CNTNAP2: variants seen among roughly 807,000 people sequenced by gnomAD.
CNTNAP2 encodes contactin-associated protein-like 2.
A neutral mutation model predicts 155.2 loss-of-function variants in CNTNAP2; 98 were observed. The ratio of observed to expected loss-of-function variants is 0.63; its 90% CI spans 0.54 to 0.75. The LOEUF (loss-of-function observed/expected upper bound fraction) is 0.75. Ranked by LOEUF, CNTNAP2 falls within the 30% of genes least tolerant of loss-of-function variation. CNTNAP2 has a pLI of 0.00. For synonymous variants in CNTNAP2, 651 were observed against 631.2 expected (o/e 1.03, Z -0.47); for missense variants, 1,727 against 1,688.1 (o/e 1.02, Z -0.40).
intron 8 of CNTNAP2, among the ~76,000 whole-genome samples, chr7:147,270,724 G>A (rs1346182109): frequency 2.0e-5 from 3 of 152,220 alleles, no homozygotes. Context: ...TGGCTCAGAT[G>A]TGTGTATTAT....
chr7:147,348,938 G>C (rs958587030), intron 9 of CNTNAP2, among the ~76,000 whole-genome samples: 3 of 151,888 alleles, frequency 2.0e-5, no homozygotes, highest in African/African-American at 7.2e-5. Flanking sequence ...TAAAAATGTT[G>C]ATCTCATAGA....
At chr7:147,975,177 T>A (rs1801407602) in intron 14 of CNTNAP2, among the ~76,000 whole-genome samples, 1 of 151,928 alleles carries the variant, frequency 6.6e-6, no homozygotes, top group African/African-American at 2.4e-5. Context: ...AAATAAATAT[T>A]TAAAGTTGGG....
chr7:147,925,319 CA>C (rs1800377686), intron 14 of CNTNAP2, among the ~76,000 whole-genome samples: 2 of 143,728 alleles, frequency 1.4e-5, no homozygotes, highest in African/African-American at 2.5e-5. Context: ...CACACACACA[CA>C]CACACACACA....
At chr7:147,655,899 A>G (rs140857299) in intron 13 of CNTNAP2, among the ~76,000 whole-genome samples, 2,533 of 152,366 alleles carry the variant, frequency 0.017, 221 homozygotes, top group Admixed American at 0.15. Flanking sequence ...TCCAATAGAA[A>G]GATGTTTCAT....
chr7:147,906,779 A>G (rs1015241323), intron 14 of CNTNAP2, among the ~76,000 whole-genome samples: 19 of 152,078 alleles, frequency 1.2e-4, no homozygotes, highest in Non-Finnish European at 2.9e-5. Flanking sequence ...ATTTTTAAAG[A>G]TATATATTAG....
At position 146,188,909 on chromosome 7, in the gene CNTNAP2, A is replaced by G. The variant is rs559664054; in HGVS notation, c.97+71936A>G. Among the ~76,000 whole-genome samples the G allele has an allele frequency of 6.6e-5, 10 of 152,278 alleles. No homozygotes were observed. In the South Asian group the frequency reaches 2.1e-3, roughly 32 times the overall value. On this transcript the variant is annotated intron_variant, in intron 1 of 23. Coordinates refer to ENST00000361727, the MANE Select transcript of CNTNAP2 (RefSeq NM_014141.6). The stretch of plus-strand genomic sequence containing the variant: ...TCAGTGGTTTTTCAAATGTGGCTGT[A>G]CATTATAACCACCCAGGTAAAATTA...
At chr7:147,501,043 T>C (rs1336985304) in intron 11 of CNTNAP2, among the ~76,000 whole-genome samples, 6 of 152,170 alleles carry the variant, frequency 3.9e-5, no homozygotes, top group Admixed American at 3.3e-4. Flanking sequence ...CAAGATCAAC[T>C]GGGATTTATC....
intron 10 of CNTNAP2, among the ~76,000 whole-genome samples, chr7:147,434,201 A>C (rs1250472787): frequency 1.3e-5 from 2 of 152,198 alleles, no homozygotes; most frequent in East Asian, 3.9e-4. Context: ...ATTCTGTACC[A>C]CAATTGCTGA....
intron 22 of CNTNAP2, among the ~76,000 whole-genome samples, chr7:148,393,240 C>T (rs141382277): frequency 6.6e-4 from 101 of 152,272 alleles, no homozygotes; most frequent in African/African-American, 2.3e-3. Context: ...TATTTCTGAA[C>T]AGATCCCTTT....
Position 148,318,633 on chromosome 7 carries a change from T to G in CNTNAP2, c.3475+51507T>G, listed in dbSNP as rs963069878. 4.6e-5 allele frequency among the ~76,000 whole-genome samples: 7 copies of G among 152,322 alleles called. No homozygotes were observed. The South Asian group carries it at 1.4e-3, about 32-fold the overall frequency. On this transcript the variant is annotated intron_variant, in intron 21 of 23. Transcript: ENST00000361727. ...AAAGCATTCAAATTAGGCATGCTTT[T>G]AACAAAGCAGGTGGCATGGCATGTA...
At chr7:146,473,856 A>G (rs1191477552) in intron 1 of CNTNAP2, among the ~76,000 whole-genome samples, 1 of 152,344 alleles carries the variant, frequency 6.6e-6, no homozygotes, top group Admixed American at 6.5e-5. Flanking sequence ...CAAAAATAAC[A>G]TCTTTAAAAA....
intron 1 of CNTNAP2, among the ~76,000 whole-genome samples, chr7:146,599,401 G>A (rs752348023): frequency 1.3e-5 from 2 of 151,878 alleles, no homozygotes; most frequent in Admixed American, 1.3e-4. Context: ...GTCTAACATG[G>A]TCTGGGATCC....
chr7:147,027,614 A>C (rs1328399193), intron 3 of CNTNAP2, among the ~76,000 whole-genome samples: 1 of 152,230 alleles, frequency 6.6e-6, no homozygotes, highest in Non-Finnish European at 1.5e-5. Flanking sequence ...TCACAGACTG[A>C]GATTTTCATT....
At chr7:147,877,344 A>G (rs1799439213) in intron 13 of CNTNAP2, among the ~76,000 whole-genome samples, 1 of 152,200 alleles carries the variant, frequency 6.6e-6, no homozygotes, top group African/African-American at 2.4e-5. Context: ...ATCCATGTGT[A>G]ATAGCTGCTA....
At chr7:146,157,391 T>C (rs1215466052) in intron 1 of CNTNAP2, among the ~76,000 whole-genome samples, 6 of 152,120 alleles carry the variant, frequency 3.9e-5, no homozygotes, top group Non-Finnish European at 1.5e-5. Flanking sequence ...TTCATCTCAC[T>C]GGGGCTTGTC....
At chr7:147,101,124 C>T (rs1422734964) in intron 4 of CNTNAP2, among the ~76,000 whole-genome samples, 2 of 152,118 alleles carry the variant, frequency 1.3e-5, no homozygotes, top group African/African-American at 4.8e-5. Context: ...ATCCGTTTAC[C>T]ATCAGGAGCA....
At chr7:147,509,024 C>T (rs900160843) in intron 11 of CNTNAP2, among the ~76,000 whole-genome samples, 4 of 152,170 alleles carry the variant, frequency 2.6e-5, no homozygotes, top group African/African-American at 9.6e-5. Context: ...TAATCTAGTT[C>T]CTGTCTTTGT....
At chr7:146,435,556 A>G (rs1316504913) in intron 1 of CNTNAP2, among the ~76,000 whole-genome samples, 1 of 152,206 alleles carries the variant, frequency 6.6e-6, no homozygotes, top group Non-Finnish European at 1.5e-5. Flanking sequence ...CTCTAGTAGA[A>G]TTTTAAAATC....
chr7:146,239,440 G>A (rs1443420355), intron 1 of CNTNAP2, among the ~76,000 whole-genome samples: 6 of 152,070 alleles, frequency 3.9e-5, no homozygotes, highest in African/African-American at 1.2e-4. Context: ...TGAAATAGTC[G>A]CAGTTAGTGA....
Sources: allele counts gnomAD v4.1 joint callset (sites outside exome capture counted in the v4.1 genomes callset), GRCh38; gene constraint gnomAD v4.1.1; transcripts MANE v1.5; gene names NCBI Gene and HGNC (gene_info 2026-07-23, HGNC 2026-07-21).